The following PDE4D variants were observed in gnomAD, a reference collection of about 807,000 sequenced individuals.
PDE4D encodes the protein 3',5'-cyclic-AMP phosphodiesterase 4D.
In PDE4D, 24 loss-of-function variants were observed where a neutral mutation model predicts 87.4. That is an observed-to-expected ratio of 0.27 (90% CI 0.20 to 0.39). The LOEUF (loss-of-function observed/expected upper bound fraction) is 0.39. Among genes scored for constraint, PDE4D ranks in the 10% least tolerant of loss-of-function variants. PDE4D has a pLI of 1.00. For missense variants in PDE4D, 714 were observed against 1,041.0 expected (o/e 0.69, Z 4.32); for synonymous variants, 384 against 383.2 (o/e 1.00, Z -0.02).
chr5:59,885,264 AAC>A (rs1226222479), intron 1 of PDE4D, among the ~76,000 whole-genome samples: 2 of 152,110 alleles, frequency 1.3e-5, no homozygotes, highest in Non-Finnish European at 2.9e-5. Flanking sequence ...TATAAGGAAA[AAC>A]AGTCTTTTTA....
chr5:59,138,694 A>G (rs1212943221), intron 5 of PDE4D, among the ~76,000 whole-genome samples: 1 of 152,114 alleles, frequency 6.6e-6, no homozygotes, highest in Non-Finnish European at 1.5e-5. Context: ...ACTTTTCTAA[A>G]ACCATATTTA....
chr5:60,482,807 T>C (rs561179159), intron 1 of PDE4D, among the ~76,000 whole-genome samples: 109 of 152,336 alleles, frequency 7.2e-4, no homozygotes, highest in African/African-American at 2.4e-3. Context: ...TCCTTTCTTG[T>C]TGATTTTAGA....
At chr5:59,492,435 T>G (rs909475130) in intron 1 of PDE4D, among the ~76,000 whole-genome samples, 1 of 152,220 alleles carries the variant, frequency 6.6e-6, no homozygotes, top group Admixed American at 6.5e-5. Flanking sequence ...TACAGACCTA[T>G]GTTGTTCTTT....
At chr5:59,978,384 G>A (rs564579154) in intron 3 of PDE4D, among the ~76,000 whole-genome samples, 1 of 152,228 alleles carries the variant, frequency 6.6e-6, no homozygotes, top group South Asian at 2.1e-4. Context: ...TGACTCTGAG[G>A]GGTTCAAGTG....
intron 1 of PDE4D, among the ~76,000 whole-genome samples, chr5:59,391,484 CAAT>C (rs1438372791): frequency 2.0e-5 from 3 of 152,014 alleles, no homozygotes; most frequent in African/African-American, 4.8e-5. Context: ...GTGAGAACAA[CAAT>C]GAGAAAGACC....
At chr5:59,733,356 C>T (rs1757644665) in intron 1 of PDE4D, among the ~76,000 whole-genome samples, 1 of 152,084 alleles carries the variant, frequency 6.6e-6, no homozygotes, top group Non-Finnish European at 1.5e-5. Context: ...AAAACCATGA[C>T]TTTAAAGGGC....
chr5:60,079,303 T>C (rs978053101), intron 2 of PDE4D, among the ~76,000 whole-genome samples: 2 of 132,304 alleles, frequency 1.5e-5, no homozygotes, highest in Admixed American at 1.5e-4. Context: ...GATAGGCAGA[T>C]AGGAAAAATT....
chr5:59,422,888 C>T (rs1283447345), intron 1 of PDE4D, among the ~76,000 whole-genome samples: 1 of 152,040 alleles, frequency 6.6e-6, no homozygotes, highest in Non-Finnish European at 1.5e-5. Context: ...TGACCTTTTT[C>T]TTTTTTAAAT....
chr5:59,680,710 C>T (rs1338009261), intron 1 of PDE4D, among the ~76,000 whole-genome samples: 1 of 151,980 alleles, frequency 6.6e-6, no homozygotes, highest in African/African-American at 2.4e-5. Context: ...TCCATAGAGG[C>T]GTGAGTGGGT....
chr5:59,475,415 T>C (rs533583092), intron 1 of PDE4D, among the ~76,000 whole-genome samples: 3 of 152,216 alleles, frequency 2.0e-5, no homozygotes, highest in South Asian at 4.1e-4. Context: ...CTCAGTTTTC[T>C]ACAACTGTCT....
At chr5:59,889,626 C>T (rs1158497770) in intron 1 of PDE4D, among the ~76,000 whole-genome samples, 1 of 151,978 alleles carries the variant, frequency 6.6e-6, no homozygotes, top group Admixed American at 6.6e-5. Flanking sequence ...GTATTTTCAA[C>T]CTTAGTGTAT....
intron 1 of PDE4D, among the ~76,000 whole-genome samples, chr5:60,191,418 G>C (rs1361810200): frequency 6.6e-6 from 1 of 152,092 alleles, no homozygotes; most frequent in Middle Eastern, 3.2e-3. Context: ...GAGTTCTCAT[G>C]AGATCTGATG....
At chr5:60,363,754 T>C (rs1760283998) in intron 1 of PDE4D, among the ~76,000 whole-genome samples, 1 of 152,138 alleles carries the variant, frequency 6.6e-6, no homozygotes, top group African/African-American at 2.4e-5. Flanking sequence ...GAAAGAGCCA[T>C]ATAGAAACAG....
At chr5:59,576,220 C>T (rs1057291119) in intron 1 of PDE4D, among the ~76,000 whole-genome samples, 1 of 151,946 alleles carries the variant, frequency 6.6e-6, no homozygotes, top group African/African-American at 2.4e-5. Flanking sequence ...ATTTACTGTC[C>T]CTATGTTACA....
chr5:59,070,975 C>G (rs907783314), intron 5 of PDE4D, among the ~76,000 whole-genome samples: 1 of 152,122 alleles, frequency 6.6e-6, no homozygotes, highest in Non-Finnish European at 1.5e-5. Context: ...TTGGTGAGCA[C>G]GTTTTCCAGT....
At chr5:59,829,832 G>A (rs898280349) in intron 1 of PDE4D, among the ~76,000 whole-genome samples, 5 of 151,812 alleles carry the variant, frequency 3.3e-5, no homozygotes, top group African/African-American at 1.2e-4. Context: ...GGGCGAGAGA[G>A]GCCATGGATA....
intron 5 of PDE4D, among the ~76,000 whole-genome samples, chr5:59,052,657 C>T (rs2153405206): frequency 6.6e-6 from 1 of 152,312 alleles, no homozygotes. Flanking sequence ...AATGCTGGCT[C>T]TGCAACTTAG....
At chr5:60,322,367 TACACACACACACACACACAC>T (rs60232413) in intron 1 of PDE4D, among the ~76,000 whole-genome samples, 16 of 132,810 alleles carry the variant, frequency 1.2e-4, no homozygotes, top group African/African-American at 3.3e-4. Flanking sequence ...TGGACACACA[TACACACACACACACACACAC>T]ACACACACAC....
At chr5:59,678,911 C>T (rs564278578) in intron 1 of PDE4D, among the ~76,000 whole-genome samples, 4 of 152,278 alleles carry the variant, frequency 2.6e-5, no homozygotes, top group African/African-American at 9.6e-5. Context: ...TGGAGTGTTA[C>T]CATTGTAACT....
Sources: allele counts gnomAD v4.1 joint callset (sites outside exome capture counted in the v4.1 genomes callset), GRCh38; gene constraint gnomAD v4.1.1; transcripts MANE v1.5; gene names NCBI Gene and HGNC (gene_info 2026-07-23, HGNC 2026-07-21).